Variants in USH2A observed in about 807,000 individuals in gnomAD.
The protein encoded by USH2A is Usher syndrome 2A (autosomal recessive, mild).
USH2A carries 443 observed loss-of-function variants against 538.9 expected under a neutral mutation model. That is an observed-to-expected ratio of 0.82 (90% CI 0.76 to 0.89). The LOEUF (loss-of-function observed/expected upper bound fraction) is 0.89, where lower values mean the gene tolerates loss of function less well. Among genes scored for constraint, USH2A ranks in the 40% least tolerant of loss-of-function variants. USH2A has a pLI of 0.00. For synonymous variants in USH2A, 2,413 were observed against 2,273.5 expected (o/e 1.06, Z -1.75); for missense variants, 6,633 against 6,324.8 (o/e 1.05, Z -1.65).
chr1:216,072,833 G>T, intron 29 of USH2A, 56 bp downstream of exon 29: 2 of 1,480,402 alleles, frequency 1.4e-6, no homozygotes, highest in Non-Finnish European at 9.4e-7. Context: ...TTATATAAAT[G>T]CACAAATACA....
chr1:216,073,040 G>A, intron 28 of USH2A, 57 bp downstream of exon 28: 2 of 1,612,940 alleles, frequency 1.2e-6, no homozygotes. Flanking sequence ...TGGCAGGGAG[G>A]GAAAGGGGGA....
chr1:215,671,470 G>A (rs898070772), intron 63 of USH2A, among the ~76,000 whole-genome samples, 177 bp from the exon 64 acceptor site: 1 of 152,104 alleles, frequency 6.6e-6, no homozygotes, highest in Non-Finnish European at 1.5e-5. Flanking sequence ...AGAGCTTGCA[G>A]TGAGCCGAGA....
intron 32 of USH2A, among the ~76,000 whole-genome samples, chr1:216,042,275 G>A (rs1189441493): frequency 2.0e-5 from 3 of 151,900 alleles, no homozygotes; most frequent in Non-Finnish European, 2.9e-5. Context: ...AATATTATGA[G>A]TTTCAATATG....
intron 4 of USH2A, among the ~76,000 whole-genome samples, chr1:216,354,818 C>CA (rs1195480713): frequency 6.7e-6 from 1 of 149,476 alleles, no homozygotes; most frequent in East Asian, 2.0e-4. Flanking sequence ...GAAAAGGAAG[C>CA]AAAAAAAGGA....
intron 30 of USH2A, among the ~76,000 whole-genome samples, chr1:216,064,046 A>G (rs906639455): frequency 6.6e-6 from 1 of 152,220 alleles, no homozygotes; most frequent in Non-Finnish European, 1.5e-5. Context: ...TTCCAAGTGA[A>G]CATTGTAAGG....
At chr1:215,958,675 G>GCAGTT (rs1667127844) in intron 37 of USH2A, among the ~76,000 whole-genome samples, 2 of 152,032 alleles carry the variant, frequency 1.3e-5, no homozygotes, top group African/African-American at 4.8e-5. Flanking sequence ...CCTTCCAGAT[G>GCAGTT]TTACCACTGC....
intron 3 of USH2A, among the ~76,000 whole-genome samples, chr1:216,417,602 G>T (rs2039599078): frequency 6.6e-6 from 1 of 152,074 alleles, no homozygotes; most frequent in Non-Finnish European, 1.5e-5. Context: ...GTTTAAAAGT[G>T]TGAAGTACCT....
At chr1:216,261,782 G>A (rs2036378282) in intron 11 of USH2A, among the ~76,000 whole-genome samples, 1 of 152,052 alleles carries the variant, frequency 6.6e-6, no homozygotes, top group East Asian at 1.9e-4. Context: ...CCCGGCCTGA[G>A]AAACAGCCCA....
Position 215,674,925 on chromosome 1 carries a change from T to C in USH2A, c.12986A>G (p.Tyr4329Cys), listed in dbSNP as rs371401837. 7 of 1,614,040 alleles carry C rather than the reference T, an allele frequency of 4.3e-6. No individual in the cohort carries two copies. The highest frequency in any genetic ancestry group is 5.9e-6 in the Non-Finnish European group (7 of 1,180,028). ...TDEELLPFST[Y>C]SYALQACTSG... ...CGTGCAGGCTTGGAGTGCATAGCTATAGGTGGAAAAAGGAAGAAGCTCTTC... is the reference window on the plus strand; with the variant it reads ...CGTGCAGGCTTGGAGTGCATAGCTACAGGTGGAAAAAGGAAGAAGCTCTTC... The change falls in exon 63 of 72, where the codon TAT (tyrosine) becomes TGT (cysteine). Residue 4329 changes from tyrosine (Y) to cysteine (C), a missense_variant. Transcript: ENST00000307340.
At chr1:216,147,992 G>GAC (rs2033746697) in intron 21 of USH2A, among the ~76,000 whole-genome samples, 1 of 123,396 alleles carries the variant, frequency 8.1e-6, no homozygotes, top group South Asian at 3.0e-4. Flanking sequence ...CTCCTTCCCA[G>GAC]ATCTTCTCGG....
intron 2 of USH2A, 112 bp from the exon 3 acceptor site, chr1:216,418,791 G>C: frequency 9.1e-7 from 1 of 1,098,906 alleles, no homozygotes. Flanking sequence ...TGCTCAAAAT[G>C]GTGTACTATG....
At chr1:215,776,816 G>A (rs549759136) in intron 55 of USH2A, among the ~76,000 whole-genome samples, 101 of 152,228 alleles carry the variant, frequency 6.6e-4, no homozygotes, top group Non-Finnish European at 1.0e-3. Flanking sequence ...TCAGCTAACC[G>A]TGGAACTGAA....
chr1:215,723,924 A>G (rs776159335), intron 61 of USH2A, among the ~76,000 whole-genome samples: 5 of 152,180 alleles, frequency 3.3e-5, no homozygotes, highest in Non-Finnish European at 5.9e-5. Flanking sequence ...CAGCAGTCTC[A>G]CTACTGGGCA....
chr1:216,190,352 T>C lies in USH2A; in HGVS notation c.4267A>G (p.Lys1423Glu), dbSNP rs756404383. 2.5e-6 allele frequency: 4 copies of C among 1,611,776 alleles called. No homozygotes were observed. Among genetic ancestry groups the C allele is most frequent in the East Asian group, 4.5e-5 (2 of 44,760 alleles). ...MAFSQLLHTA[K>E]SQELSYTVEG... is the part of the protein sequence containing the mutation. ...ACAGTGTAAGATAGTTCTTGGGATTTAGCAGTGTGCAACAGCTTCAAGGCA... is the reference window on the plus strand; with the variant it reads ...ACAGTGTAAGATAGTTCTTGGGATTCAGCAGTGTGCAACAGCTTCAAGGCA... The change falls in exon 20 of 72, where the codon AAA (lysine) becomes GAA (glutamate). Residue 1423 changes from lysine (K) to glutamate (E), a missense_variant. Lys to Glu is a moderately conservative substitution (Grantham distance 56). Coordinates refer to ENST00000307340, the MANE Select transcript of USH2A (RefSeq NM_206933.4).
intron 32 of USH2A, among the ~76,000 whole-genome samples, chr1:216,043,893 C>T (rs2030405691): frequency 3.3e-5 from 5 of 152,070 alleles, no homozygotes. Flanking sequence ...TTCTCTTCCC[C>T]TGGCTGTATC....
Position 215,900,917 on chromosome 1 carries a change from C to T in USH2A, c.7301-12G>A. The T allele has an allele frequency of 6.2e-7, 1 of 1,613,098 alleles. No individual in the cohort carries two copies. Among genetic ancestry groups the T allele is most frequent in the Non-Finnish European group, 8.5e-7 (1 of 1,179,502 alleles). On this transcript the variant is annotated splice_polypyrimidine_tract_variant and intron_variant, in intron 38 of 71. Coordinates refer to ENST00000307340, the MANE Select transcript of USH2A (RefSeq NM_206933.4). The stretch of plus-strand genomic sequence containing the variant: ...CACGCCATCTGGAGCTGTCGAAAAA[C>T]ACAGATGAATTAGAGCAGAGAAAAC...
intron 3 of USH2A, among the ~76,000 whole-genome samples, chr1:216,377,859 GAAAGAAAGAAGGAAA>G (rs1558061855): frequency 6.0e-5 from 8 of 133,842 alleles, no homozygotes; most frequent in Admixed American, 3.1e-4. Flanking sequence ...AAGAAAGAAA[GAAAGAAAGAAGGAAA>G]GAAAGAAAGG....
chr1:215,773,623 G>T (rs939559930), intron 55 of USH2A, among the ~76,000 whole-genome samples: 4 of 151,876 alleles, frequency 2.6e-5, no homozygotes, highest in Non-Finnish European at 5.9e-5. Context: ...ACATGTGTCT[G>T]TGTCCTGAAT....
intron 13 of USH2A, among the ~76,000 whole-genome samples, chr1:216,233,345 G>C (rs180789572): frequency 1.3e-5 from 2 of 152,082 alleles, no homozygotes; most frequent in Non-Finnish European, 2.9e-5. Context: ...GTCAGGTCTC[G>C]TGACTTCCTC....
Sources: allele counts gnomAD v4.1 joint callset (sites outside exome capture counted in the v4.1 genomes callset), GRCh38; gene constraint gnomAD v4.1.1; transcripts MANE v1.5; gene names NCBI Gene and HGNC (gene_info 2026-07-23, HGNC 2026-07-21).